The following KCNH7 variants were observed in gnomAD, a reference collection of about 807,000 sequenced individuals.
KCNH7 encodes voltage-gated inwardly rectifying potassium channel KCNH7.
In KCNH7, 49 loss-of-function variants were observed where a neutral mutation model predicts 120.8. The observed-to-expected ratio is 0.41, with a 90% CI of 0.32 to 0.51. KCNH7 has a LOEUF of 0.51. KCNH7 is among the 20% of genes least tolerant of loss of function. The pLI is 0.38. For missense variants in KCNH7, 1,097 were observed against 1,446.6 expected (o/e 0.76, Z 3.92); for synonymous variants, 547 against 516.1 (o/e 1.06, Z -0.81).
At chr2:162,624,875 A>T (rs941344461) in intron 2 of KCNH7, among the ~76,000 whole-genome samples, 2 of 149,968 alleles carry the variant, frequency 1.3e-5, no homozygotes, top group African/African-American at 4.9e-5. Context: ...ATGGTGGTTA[A>T]ACGTGCACTC....
chr2:162,564,015 A>T (rs1693161360), intron 2 of KCNH7, among the ~76,000 whole-genome samples: 2 of 152,174 alleles, frequency 1.3e-5, no homozygotes, highest in Admixed American at 1.3e-4. Flanking sequence ...ATAGCAATAA[A>T]CTGGTACAAC....
chr2:162,567,096 G>A (rs1693281684), intron 2 of KCNH7, among the ~76,000 whole-genome samples: 1 of 151,922 alleles, frequency 6.6e-6, no homozygotes, highest in Admixed American at 6.6e-5. Context: ...TCATTGTTGA[G>A]TTTTCTCCAA....
At chr2:162,743,065 T>C (rs1406839974) in intron 2 of KCNH7, among the ~76,000 whole-genome samples, 1 of 152,190 alleles carries the variant, frequency 6.6e-6, no homozygotes, top group East Asian at 1.9e-4. Flanking sequence ...AGTCTCTCAC[T>C]AGTTGCTGCT....
intron 2 of KCNH7, among the ~76,000 whole-genome samples, chr2:162,778,989 G>T (rs925634053): frequency 2.0e-5 from 3 of 149,740 alleles, no homozygotes; most frequent in African/African-American, 7.4e-5. Flanking sequence ...ATCTGCCTAG[G>T]TCATTCAAAC....
chr2:162,644,620 A>G lies in KCNH7; in HGVS notation c.308-107540T>C, dbSNP rs191759499. ...CGCTAGTAAGAGATAATGGCCATTC[A>G]TTTTAATAACAACTTTTAGTTAAGC... On this transcript the variant is annotated intron_variant, in intron 2 of 15. Coordinates refer to ENST00000332142, the MANE Select transcript of KCNH7 (RefSeq NM_033272.4). Among the ~76,000 whole-genome samples the G allele has an allele frequency of 2.2e-3, 340 of 152,342 alleles. 3 individuals carry two copies. Among genetic ancestry groups the G allele is most frequent in the African/African-American group, 7.9e-3 (327 of 41,586 alleles).
chr2:162,748,927 TTTCCTTCCTTCCTTCCTTCCTTCCTTCC>T (rs1219510782), intron 2 of KCNH7, among the ~76,000 whole-genome samples: 1 of 27,842 alleles, frequency 3.6e-5, no homozygotes, highest in Admixed American at 3.0e-4. Flanking sequence ...TTCCCTTTCC[TTTCCTTCCTTCCTTCCTTCCTTCCTTCC>T]TTCCTTCCTT....
intron 6 of KCNH7, among the ~76,000 whole-genome samples, chr2:162,474,921 G>A (rs1355295906): frequency 6.6e-6 from 1 of 152,222 alleles, no homozygotes; most frequent in African/African-American, 2.4e-5. Flanking sequence ...TTGCTCTGGA[G>A]GAAATCAGCC....
At chr2:162,732,523 C>G (rs12998696) in intron 2 of KCNH7, among the ~76,000 whole-genome samples, 1 of 152,000 alleles carries the variant, frequency 6.6e-6, no homozygotes, top group East Asian at 1.9e-4. Flanking sequence ...TTTTAGGGAT[C>G]TGGTAGGTAG....
intron 2 of KCNH7, among the ~76,000 whole-genome samples, chr2:162,647,385 GATTA>G (rs1026699301): frequency 2.6e-5 from 4 of 152,134 alleles, no homozygotes; most frequent in African/African-American, 2.4e-5. Context: ...CAGTATGTAG[GATTA>G]ATTGTTTAAA....
intron 13 of KCNH7, among the ~76,000 whole-genome samples, chr2:162,380,262 A>C (rs746131648): frequency 9.9e-5 from 15 of 152,070 alleles, no homozygotes; most frequent in Non-Finnish European, 2.2e-4. Context: ...GCAGGTCCTG[A>C]GTGTTTAGGA....
chr2:162,470,168 A>T (rs928444291), intron 6 of KCNH7, among the ~76,000 whole-genome samples: 1 of 143,060 alleles, frequency 7.0e-6, no homozygotes, highest in African/African-American at 2.6e-5. Context: ...CTGGCCGCCC[A>T]TCGTCTGGGA....
At chr2:162,410,920 A>T (rs764530916) in intron 9 of KCNH7, among the ~76,000 whole-genome samples, 2 of 152,138 alleles carry the variant, frequency 1.3e-5, no homozygotes, top group Non-Finnish European at 2.9e-5. Flanking sequence ...CACCAGTCAG[A>T]ATGGCTAATA....
At chr2:162,460,864 G>T (rs917833739) in intron 6 of KCNH7, among the ~76,000 whole-genome samples, 1 of 152,136 alleles carries the variant, frequency 6.6e-6, no homozygotes, top group Non-Finnish European at 1.5e-5. Flanking sequence ...TGGTTCTATA[G>T]GGCCTGTGTC....
At chr2:162,380,146 T>G (rs1200737969) in intron 13 of KCNH7, 125 bp from the exon 14 acceptor site, 9 of 1,134,988 alleles carry the variant, frequency 7.9e-6, no homozygotes, top group Admixed American at 2.3e-5. Context: ...GAACCAAAAG[T>G]ATTCAGTGAT....
chr2:162,575,390 A>G (rs1559024111), intron 2 of KCNH7, among the ~76,000 whole-genome samples: 1 of 151,970 alleles, frequency 6.6e-6, no homozygotes, highest in Non-Finnish European at 1.5e-5. Context: ...AGGGGACTTT[A>G]GTCTGCCTCT....
At chr2:162,590,539 T>A (rs1694176490) in intron 2 of KCNH7, among the ~76,000 whole-genome samples, 1 of 152,218 alleles carries the variant, frequency 6.6e-6, no homozygotes, top group Admixed American at 6.5e-5. Flanking sequence ...AGACCCAGAA[T>A]AATAGCAAAG....
chr2:162,683,864 C>A (rs918114458), intron 2 of KCNH7, among the ~76,000 whole-genome samples: 1 of 151,810 alleles, frequency 6.6e-6, no homozygotes, highest in African/African-American at 2.4e-5. Flanking sequence ...TCATATGGAA[C>A]CAAAAAAGAG....
intron 2 of KCNH7, among the ~76,000 whole-genome samples, chr2:162,646,231 T>A (rs1684354912): frequency 2.0e-5 from 3 of 152,198 alleles, no homozygotes; most frequent in Admixed American, 6.5e-5. Flanking sequence ...AGTAAGGCCT[T>A]ACTAAAATAC....
intron 3 of KCNH7, among the ~76,000 whole-genome samples, chr2:162,528,575 G>A (rs1208570107): frequency 6.6e-6 from 1 of 151,948 alleles, no homozygotes; most frequent in Non-Finnish European, 1.5e-5. Flanking sequence ...ACTAAAATAT[G>A]GGATGTGATG....
Sources: gnomAD v4.1 joint callset for allele counts (sites outside exome capture counted in the v4.1 genomes callset) on GRCh38, gnomAD v4.1.1 for gene constraint, MANE v1.5 for transcripts, NCBI Gene and HGNC (gene_info 2026-07-23, HGNC 2026-07-21) for gene names.